OR1B1: variants seen among roughly 807,000 people sequenced by gnomAD.
The protein encoded by OR1B1 is olfactory receptor 1B1.
For missense variants in OR1B1, 414 were observed against 402.1 expected (o/e 1.03, Z -0.25); for synonymous variants, 168 against 156.2 (o/e 1.08, Z -0.57).
the OR1B1 span, among the ~76,000 whole-genome samples, chr9:122,636,011 A>G: frequency 6.6e-6 from 1 of 152,340 alleles, no homozygotes; most frequent in East Asian, 1.9e-4. Flanking sequence ...AAAAAATAAA[A>G]AAGCATTTTT....
chr9:122,653,763 A>G, the OR1B1 span, among the ~76,000 whole-genome samples: 1 of 152,192 alleles, frequency 6.6e-6, no homozygotes, highest in African/African-American at 2.4e-5. Context: ...AGGGGTTTTA[A>G]GTGGTAAGGA....
At chr9:122,634,438 G>C (rs1200762354), upstream of OR1B1, among the ~76,000 whole-genome samples, 1 of 152,126 alleles carries the variant, frequency 6.6e-6, no homozygotes. Flanking sequence ...TTGACTCACA[G>C]TTCCACACAC....
At chr9:122,650,347 A>G in the OR1B1 span, among the ~76,000 whole-genome samples, 9 of 152,108 alleles carry the variant, frequency 5.9e-5, no homozygotes, top group East Asian at 5.8e-4. Context: ...GTGTATACCT[A>G]TGTAACAAAC....
At chr9:122,641,817 A>G in the OR1B1 span, among the ~76,000 whole-genome samples, 11 of 152,194 alleles carry the variant, frequency 7.2e-5, no homozygotes, top group Non-Finnish European at 1.5e-4. Flanking sequence ...CCATTTCACA[A>G]GGTATGCAAA....
At chr9:122,640,627 A>G in the OR1B1 span, among the ~76,000 whole-genome samples, 1 of 152,154 alleles carries the variant, frequency 6.6e-6, no homozygotes. Context: ...TGTAAGAGCA[A>G]TTGCCAAAGA....
chr9:122,644,052 G>T, the OR1B1 span, among the ~76,000 whole-genome samples: 1 of 152,156 alleles, frequency 6.6e-6, no homozygotes, highest in African/African-American at 2.4e-5. Flanking sequence ...GTGAAAAAAG[G>T]CTCCACCTGT....
the OR1B1 span, among the ~76,000 whole-genome samples, chr9:122,654,692 G>T: frequency 6.6e-6 from 1 of 152,070 alleles, no homozygotes; most frequent in Non-Finnish European, 1.5e-5. Flanking sequence ...ACCAGTCTCT[G>T]GTAACCACCT....
the OR1B1 span, among the ~76,000 whole-genome samples, chr9:122,653,647 ATAGCACTTCCCCCT>A: frequency 6.6e-6 from 1 of 152,088 alleles, no homozygotes; most frequent in South Asian, 2.1e-4. Flanking sequence ...AACACCCACC[ATAGCACTTCCCCCT>A]GGCTGAAATT....
chr9:122,637,942 A>T, the OR1B1 span, among the ~76,000 whole-genome samples: 1,297 of 152,330 alleles, frequency 8.5e-3, 21 homozygotes, highest in African/African-American at 0.03. Context: ...AGTTAAATAT[A>T]GTGCTATAAC....
the OR1B1 span, among the ~76,000 whole-genome samples, chr9:122,649,047 A>G: frequency 6.6e-6 from 1 of 152,240 alleles, no homozygotes; most frequent in Non-Finnish European, 1.5e-5. Flanking sequence ...TGGTACCAAA[A>G]CAGACATATA....
the OR1B1 span, among the ~76,000 whole-genome samples, chr9:122,648,272 G>A: frequency 2.0e-5 from 3 of 152,166 alleles, no homozygotes; most frequent in African/African-American, 7.2e-5. Flanking sequence ...ATCAATAAAT[G>A]TAATCCATCA....
the OR1B1 span, among the ~76,000 whole-genome samples, chr9:122,640,580 C>T: frequency 6.6e-6 from 1 of 152,252 alleles, no homozygotes; most frequent in South Asian, 2.1e-4. Context: ...AAGATTTAGT[C>T]ACCATGAATC....
the OR1B1 span, among the ~76,000 whole-genome samples, chr9:122,651,147 A>T: frequency 3.0e-3 from 461 of 152,340 alleles, 8 homozygotes; most frequent in Admixed American, 0.027. Flanking sequence ...ATATTTTATA[A>T]AATGTTTTTA....
chr9:122,650,614 A>T, the OR1B1 span, among the ~76,000 whole-genome samples: 3 of 152,044 alleles, frequency 2.0e-5, no homozygotes, highest in Admixed American at 2.0e-4. Flanking sequence ...ATAACTGATA[A>T]AATTCCAGAG....
At chr9:122,632,934 A>G (rs2109692), upstream of OR1B1, among the ~76,000 whole-genome samples, 12,480 of 152,118 alleles carry the variant, frequency 0.082, 834 homozygotes, top group East Asian at 0.33. Context: ...GGCTGGGGAG[A>G]CCTCACAATC....
downstream of OR1B1, among the ~76,000 whole-genome samples, chr9:122,628,420 T>A (rs1369443044): frequency 6.6e-6 from 1 of 152,196 alleles, no homozygotes; most frequent in Non-Finnish European, 1.5e-5. Context: ...GAATGTGGAA[T>A]GTTCATGGCT....
the OR1B1 span, among the ~76,000 whole-genome samples, chr9:122,637,670 C>T: frequency 1.3e-5 from 2 of 152,306 alleles, no homozygotes; most frequent in East Asian, 3.9e-4. Flanking sequence ...ATATTTTACA[C>T]TGCATTCTTA....
the OR1B1 span, among the ~76,000 whole-genome samples, chr9:122,647,066 G>T: frequency 6.6e-6 from 1 of 152,070 alleles, no homozygotes; most frequent in Admixed American, 6.6e-5. Flanking sequence ...AGAAACACTG[G>T]ACTTAATCTG....
exon 1 of OR1B1, chr9:122,629,328 C>G (rs1481819084): frequency 6.2e-7 from 1 of 1,614,056 alleles, no homozygotes; most frequent in Non-Finnish European, 8.5e-7. Flanking sequence ...ATGTCTATCA[C>G]AGAGAGGCCA....
Sources: gnomAD v4.1 joint callset for allele counts (sites outside exome capture counted in the v4.1 genomes callset) on GRCh38, gnomAD v4.1.1 for gene constraint, MANE v1.5 for transcripts, NCBI Gene and HGNC (gene_info 2026-07-23, HGNC 2026-07-21) for gene names.